The following TINAG variants were observed in gnomAD, a reference collection of about 807,000 sequenced individuals.
TINAG encodes tubulointerstitial nephritis antigen.
Under a neutral mutation model 72.7 loss-of-function variants are expected in TINAG, and 83 were observed. The ratio of observed to expected loss-of-function variants is 1.14; its 90% confidence interval spans 0.96 to 1.37. The LOEUF (loss-of-function observed/expected upper bound fraction) is 1.37. Ranked by LOEUF, TINAG falls within the 40% of genes most tolerant of loss-of-function variation. TINAG has a pLI of 0.00. For synonymous variants in TINAG, 234 were observed against 189.9 expected, an observed-to-expected ratio of 1.23 and a Z score of -1.91; for missense variants, 685 against 576.6, an observed-to-expected ratio of 1.19 and a Z score of -1.93.
intron 9 of TINAG, among the ~76,000 whole-genome samples, chr6:54,357,390 A>G (rs1209001721): frequency 6.6e-6 from 1 of 151,936 alleles, no homozygotes; most frequent in Non-Finnish European, 1.5e-5. Flanking sequence ...ATCTCAGCTC[A>G]GACCTCTTTC....
intron 1 of TINAG, among the ~76,000 whole-genome samples, chr6:54,310,816 CTCTT>C (rs1357794001): frequency 1.4e-3 from 198 of 139,344 alleles, no homozygotes; most frequent in African/African-American, 5.3e-3. Flanking sequence ...CTTTCTCTCC[CTCTT>C]TCTTTCTCTT....
intron 4 of TINAG, among the ~76,000 whole-genome samples, chr6:54,338,801 AT>A (rs1784931115): frequency 6.6e-6 from 1 of 151,490 alleles, no homozygotes; most frequent in Admixed American, 6.6e-5. Context: ...GAAATAAAAT[AT>A]TTTGCACTGG....
At chr6:54,318,062 G>T (rs956228048) in intron 1 of TINAG, among the ~76,000 whole-genome samples, 1 of 151,882 alleles carries the variant, frequency 6.6e-6, no homozygotes, top group African/African-American at 2.4e-5. Context: ...CTCCTTCGCA[G>T]TTTCCTCTTC....
At chr6:54,326,429 T>G (rs889384188) in intron 3 of TINAG, among the ~76,000 whole-genome samples, 1 of 152,026 alleles carries the variant, frequency 6.6e-6, no homozygotes, top group Non-Finnish European at 1.5e-5. Flanking sequence ...TTAAAGAAAA[T>G]GTATTAACCT....
chr6:54,329,608 A>G (rs1352856999), intron 4 of TINAG, among the ~76,000 whole-genome samples: 1 of 152,202 alleles, frequency 6.6e-6, no homozygotes, highest in East Asian at 1.9e-4. Flanking sequence ...TCAAGATCAA[A>G]TTCACACACA....
At chr6:54,332,144 G>T (rs1209406488) in intron 4 of TINAG, among the ~76,000 whole-genome samples, 3 of 152,100 alleles carry the variant, frequency 2.0e-5, no homozygotes, top group African/African-American at 7.2e-5. Context: ...AATGAAAAGA[G>T]ATCCCATATA....
At chr6:54,380,651 A>G in intron 10 of TINAG, 80 bp downstream of exon 10, 2 of 1,177,962 alleles carry the variant, frequency 1.7e-6, no homozygotes, top group South Asian at 1.3e-5. Flanking sequence ...CCTGCTTTGT[A>G]TTATTTAGTC....
chr6:54,320,713 T>C, intron 2 of TINAG, 71 bp downstream of exon 2: 9 of 1,264,530 alleles, frequency 7.1e-6, no homozygotes, highest in Non-Finnish European at 1.0e-5. Flanking sequence ...AAAGAAATAT[T>C]TGTGAACCAA....
chr6:54,346,077 C>G (rs1292128957), intron 5 of TINAG, among the ~76,000 whole-genome samples: 3 of 151,946 alleles, frequency 2.0e-5, no homozygotes, highest in African/African-American at 7.2e-5. Context: ...CAAGACTGTT[C>G]CAGATATTCA....
At chr6:54,359,408 A>G (rs886291310) in intron 9 of TINAG, among the ~76,000 whole-genome samples, 4 of 151,900 alleles carry the variant, frequency 2.6e-5, no homozygotes, top group Non-Finnish European at 4.4e-5. Context: ...TCATAGAACT[A>G]AAATTCCATT....
chr6:54,320,865 G>C (rs1163474615), intron 2 of TINAG, among the ~76,000 whole-genome samples: 1 of 152,124 alleles, frequency 6.6e-6, no homozygotes, highest in Non-Finnish European at 1.5e-5. Context: ...TGATGTTCTT[G>C]ACAATGGGTC....
chr6:54,351,214 A>G, intron 7 of TINAG, 138 bp from the exon 8 acceptor site: 3 of 662,420 alleles, frequency 4.5e-6, no homozygotes, highest in Middle Eastern at 3.4e-4. Context: ...TAACAATTTC[A>G]TTAATGTAGC....
At chr6:54,344,974 T>C (rs1206389056) in intron 5 of TINAG, among the ~76,000 whole-genome samples, 1 of 152,146 alleles carries the variant, frequency 6.6e-6, no homozygotes, top group Non-Finnish European at 1.5e-5. Flanking sequence ...AGCTATACAA[T>C]TGAATAAATA....
chr6:54,308,163 C>T, upstream of TINAG: 1 of 1,528,870 alleles, frequency 6.5e-7, no homozygotes, highest in South Asian at 1.2e-5. Flanking sequence ...GTTATTACAG[C>T]CATAATCTGG....
rs757911491 is a variant in TINAG, at chr6:54,380,531, G to T, written c.1256G>T (p.Gly419Val). The stretch of plus-strand genomic sequence containing the variant: ...ATTATTGTTATTAATTGTAGATGGG[G>T]CACACTGAGAGGAGCACAAGGGCAG... ...QTHAVKLTGW[G>V]TLRGAQGQKE... The change falls in exon 10 of 11, where the codon GGC becomes GTC. Residue 419 changes from glycine to valine, a missense_variant. Gly to Val is a moderately radical substitution (Grantham distance 109). Coordinates refer to ENST00000259782, the MANE Select transcript of TINAG (RefSeq NM_014464.4). 1.2e-6 allele frequency: 2 copies of T among 1,608,816 alleles called. No homozygotes were observed. The highest frequency in any genetic ancestry group is 1.1e-5 in the South Asian group (1 of 90,620).
rs138971244 is a variant in TINAG, at chr6:54,310,076, CGTGTGTGT to C, written c.355+1195_355+1202del. ...TTTCTTTTTTCCTTCCTTTTTTTTC[CGTGTGTGT>C]GTGTGTGTGTGTGTGTGTGTGTGAG... On this transcript the variant is annotated intron_variant, in intron 1 of 10. Coordinates refer to ENST00000259782, the MANE Select transcript of TINAG (RefSeq NM_014464.4). Among the ~76,000 whole-genome samples, 731 of 127,722 alleles carry C rather than the reference CGTGTGTGT, an allele frequency of 5.7e-3. 4 individuals are homozygous for C. Among genetic ancestry groups the C allele is most frequent in the African/African-American group, 0.022 (693 of 32,116 alleles). 83.8% of individuals were successfully genotyped at this position (127,722 alleles called of 152,430 possible).
intron 10 of TINAG, among the ~76,000 whole-genome samples, chr6:54,389,210 C>T (rs778489777): frequency 2.6e-5 from 4 of 152,056 alleles, no homozygotes; most frequent in South Asian, 2.1e-4. Flanking sequence ...TTTTCCTTTA[C>T]GTCAATCTCC....
Position 54,347,595 on chromosome 6 carries a change from G to A in TINAG, c.899+78G>A. 7 of 1,475,828 alleles carry A rather than the reference G, an allele frequency of 4.7e-6. No homozygotes were observed. In the Admixed American group the frequency reaches 1.2e-4, roughly 25 times the overall value. 91.4% of individuals were successfully genotyped at this position (1,475,828 alleles called of 1,614,324 possible). Reference sequence around the variant, plus strand: ...GTTAGAACAAGGAAAATAATCCCAAGATTTTTACAAAAAAGTACTTAAAAA... The same window carrying A: ...GTTAGAACAAGGAAAATAATCCCAAAATTTTTACAAAAAAGTACTTAAAAA... On this transcript the variant is annotated intron_variant, in intron 6 of 10. Coordinates refer to ENST00000259782, the MANE Select transcript of TINAG (RefSeq NM_014464.4).
At chr6:54,354,776 A>C (rs1785352576) in intron 9 of TINAG, 140 bp downstream of exon 9, 14 of 970,906 alleles carry the variant, frequency 1.4e-5, no homozygotes, top group Non-Finnish European at 2.1e-5. Flanking sequence ...CCTTGCCACT[A>C]TTTAGTCATT....
Sources: allele counts gnomAD v4.1 joint callset (sites outside exome capture counted in the v4.1 genomes callset), GRCh38; gene constraint gnomAD v4.1.1; transcripts MANE v1.5; gene names NCBI Gene and HGNC (gene_info 2026-07-23, HGNC 2026-07-21).